The following BOP1 variants were observed in gnomAD, a reference collection of about 807,000 sequenced individuals.
The protein encoded by BOP1 is BOP1 ribosomal biogenesis factor, also known as ribosome biogenesis protein BOP1.
Under a neutral mutation model 82.9 loss-of-function variants are expected in BOP1, and 54 were observed. The observed-to-expected ratio is 0.65, with a 90% CI of 0.52 to 0.82. The LOEUF (loss-of-function observed/expected upper bound fraction) is 0.82, where lower values mean the gene tolerates loss of function less well. Ranked by LOEUF, BOP1 falls within the 40% of genes least tolerant of loss-of-function variation. The pLI is 0.00. For synonymous variants in BOP1, 566 were observed against 451.1 expected (o/e 1.25, Z -3.23); for missense variants, 1,170 against 1,072.0 (o/e 1.09, Z -1.28).
intron 6 of BOP1, 28 bp from the exon 7 acceptor site, chr8:144,264,465 C>T (rs1845309790): frequency 1.9e-6 from 3 of 1,606,766 alleles, no homozygotes; most frequent in South Asian, 1.1e-5. Context: ...TCAGGACGGG[C>T]AGTGCGGGGC....
At chr8:144,269,761 G>A (rs980215206) in intron 3 of BOP1, among the ~76,000 whole-genome samples, 13 of 152,340 alleles carry the variant, frequency 8.5e-5, no homozygotes, top group Admixed American at 2.6e-4. Context: ...CGGGGGACAC[G>A]GACATGCAGC....
chr8:144,277,159 C>T lies in BOP1; in HGVS notation c.310-855G>A, dbSNP rs935747002. The stretch of plus-strand genomic sequence containing the variant: ...AACCCCAGAGCGAAGGCGGGCACGC[C>T]CCCGCCCCCACCCCGAGCCCCTCTT... On this transcript the variant is annotated intron_variant, in intron 2 of 15. Transcript: ENST00000569669. Among the ~76,000 whole-genome samples the T allele has an allele frequency of 1.7e-4, 26 of 152,276 alleles. 1 individual carries two copies. Among genetic ancestry groups the T allele is most frequent in the African/African-American group, 6.3e-4 (26 of 41,566 alleles).
chr8:144,262,710 C>G, intron 13 of BOP1, 38 bp from the exon 14 acceptor site: 1 of 1,606,966 alleles, frequency 6.2e-7, no homozygotes. Flanking sequence ...TTCCCGCTCT[C>G]ACCTGCAGGG....
chr8:144,280,895 TCGGCCTTCTCTC>T (rs1845658027), intron 2 of BOP1, among the ~76,000 whole-genome samples: 3 of 152,054 alleles, frequency 2.0e-5, no homozygotes, highest in African/African-American at 7.3e-5. Context: ...TACCAGGTCT[TCGGCCTTCTCTC>T]ACTTTCATAC....
Position 144,262,511 on chromosome 8 carries a change from G to C in BOP1, c.1980-8C>G, listed in dbSNP as rs889494720. 1.7e-5 allele frequency: 27 copies of C among 1,612,926 alleles called. No individual in the cohort carries two copies. In the African/African-American group the frequency reaches 3.2e-4, roughly 19 times the overall value. ...AGAGCCTTCTTGTGGTGTCTGGGGG[G>C]AGGGAACCAGGTTGAAGGCAGGCTC... On this transcript the variant is annotated splice_region_variant and splice_polypyrimidine_tract_variant and intron_variant, in intron 14 of 15. Coordinates refer to ENST00000569669, the MANE Select transcript of BOP1 (RefSeq NM_015201.5).
chr8:144,289,227 C>T lies in BOP1; in HGVS notation c.177G>A (p.Val59=). The part of the protein sequence containing the change: ...DSGVSDSEES[V]FSGLEDSGSD... ...TGCCGGAATCTTCCAGGCCTGAGAA[C>T]ACACTTTCCTCGCTGTCGGAGACGC... The change falls in exon 2 of 16, where the codon GTG becomes GTA. Residue 59 remains valine (V), a synonymous_variant. Transcript: ENST00000569669. 6.2e-7 allele frequency: 1 copy of T among 1,614,094 alleles called. No individual in the cohort carries two copies. Among genetic ancestry groups the T allele is most frequent in the Non-Finnish European group, 8.5e-7 (1 of 1,179,944 alleles).
intron 2 of BOP1, 70 bp from the exon 3 acceptor site, chr8:144,276,374 GGAAGCCCACCACCCC>G: frequency 6.4e-7 from 1 of 1,554,712 alleles, no homozygotes; most frequent in Non-Finnish European, 8.7e-7. Context: ...GGGGATCCCA[GGAAGCCCACCACCCC>G]GAAATCTCTG....
chr8:144,276,239 G>A lies in BOP1; in HGVS notation c.375C>T (p.Asp125=). 1 of 1,613,518 alleles carries A rather than the reference G, an allele frequency of 6.2e-7. No homozygotes were observed. Among genetic ancestry groups the A allele is most frequent in the Non-Finnish European group, 8.5e-7 (1 of 1,179,822 alleles). Residue 125 remains aspartate, a synonymous_variant, in exon 3 of 16, where the codon GAC becomes GAT. Coordinates refer to ENST00000569669, the MANE Select transcript of BOP1 (RefSeq NM_015201.5). ...SARIGDEYAE[D]SSDEEDIRNT... is the part of the protein sequence containing the mutation. ...CCAGTCCTACCTCCTCATCAGAGCT[G>A]TCCTCCGCATACTCATCCCCAATCC...
chr8:144,275,694 G>A (rs1317561195), intron 3 of BOP1, among the ~76,000 whole-genome samples: 3 of 152,188 alleles, frequency 2.0e-5, no homozygotes, highest in African/African-American at 4.8e-5. Context: ...CCAGGGGTGG[G>A]GGGCAGGGGG....
At position 144,262,121 on chromosome 8, in the gene BOP1, T is replaced by C; in HGVS notation, c.*43A>G. 1.2e-6 allele frequency: 2 copies of C among 1,610,558 alleles called. No individual in the cohort carries two copies. The highest frequency in any genetic ancestry group is 1.7e-6 in the Non-Finnish European group (2 of 1,179,694). On this transcript the variant is annotated 3_prime_UTR_variant, in exon 16 of 16. Transcript: ENST00000569669. The stretch of plus-strand genomic sequence containing the variant: ...CAGGCAGCACAGGGTAAAGGCTCTG[T>C]TGACTTCAGCACGACCACCCCAGCC...
chr8:144,278,249 A>AGGAGCTCGGCAGTGCCG (rs1377976206), intron 2 of BOP1, among the ~76,000 whole-genome samples: 1 of 152,178 alleles, frequency 6.6e-6, no homozygotes, highest in African/African-American at 2.4e-5. Context: ...ACGAGGTGCC[A>AGGAGCTCGGCAGTGCCG]GCAGGATGCG....
At position 144,291,131 on chromosome 8, in the gene BOP1, G is replaced by A. The variant is rs1034163713; in HGVS notation, c.99+141C>T. 29 of 559,658 alleles carry A rather than the reference G, an allele frequency of 5.2e-5. No individual in the cohort carries two copies. The highest frequency in any genetic ancestry group is 7.2e-5 in the Non-Finnish European group (28 of 388,494). The allele number at this position is 559,658 out of a possible 1,614,324, so 34.7% of individuals were successfully genotyped here. The stretch of plus-strand genomic sequence containing the variant: ...GCTCTGCCTGAGACCCCCCGATAGA[G>A]GAGCTGCACCCACGCCCAAGACCGA... On this transcript the variant is annotated intron_variant, in intron 1 of 15. Coordinates refer to ENST00000569669, the MANE Select transcript of BOP1 (RefSeq NM_015201.5). This position sits in a 1 kb window ranked among gnomAD's most constrained non-coding sequence, Gnocchi z 4.1.
chr8:144,275,061 G>A (rs1447334772), intron 3 of BOP1, among the ~76,000 whole-genome samples: 1 of 151,860 alleles, frequency 6.6e-6, no homozygotes, highest in Non-Finnish European at 1.5e-5. Context: ...GGCGGCCAAG[G>A]CTCCTGCAGC....
intron 2 of BOP1, among the ~76,000 whole-genome samples, chr8:144,286,619 C>T (rs1369024960): frequency 2.0e-5 from 3 of 151,536 alleles, no homozygotes; most frequent in Non-Finnish European, 2.9e-5. Flanking sequence ...GGCCTCGGCC[C>T]CTCAGCTAAA....
chr8:144,277,607 C>G lies in BOP1; in HGVS notation c.310-1303G>C, dbSNP rs1845587806. 3.9e-5 allele frequency among the ~76,000 whole-genome samples: 6 copies of G among 152,400 alleles called. No homozygotes were observed. In the South Asian group the frequency reaches 1.2e-3, roughly 32 times the overall value. On this transcript the variant is annotated intron_variant, in intron 2 of 15. Coordinates refer to ENST00000569669, the MANE Select transcript of BOP1 (RefSeq NM_015201.5). ...GTGACAAAAGACTTGTCACCCAGCG[C>G]TCTGTGCCCCGTGGCCCCTGTGCTG...
At chr8:144,268,142 G>A (rs1845422863) in intron 3 of BOP1, 2 of 1,551,188 alleles carry the variant, frequency 1.3e-6, no homozygotes, top group African/African-American at 1.4e-5. Context: ...TTCGCAGTTA[G>A]GAGGTGGCCG....
At chr8:144,287,924 A>C (rs1427429285) in intron 2 of BOP1, among the ~76,000 whole-genome samples, 1 of 152,154 alleles carries the variant, frequency 6.6e-6, no homozygotes, top group Non-Finnish European at 1.5e-5. Flanking sequence ...GAACACCGAA[A>C]CTACTGGGAG....
chr8:144,281,436 T>C (rs71515608), intron 2 of BOP1, among the ~76,000 whole-genome samples: 27 of 2,504 alleles, frequency 0.011, 12 homozygotes, highest in Non-Finnish European at 0.031. Flanking sequence ...ACCAGGTCTT[T>C]GGCCTTCTCT....
At position 144,262,327 on chromosome 8, in the gene BOP1, CGAG is replaced by C. The variant is rs1845213916; in HGVS notation, c.2088-13_2088-11del. 3 of 1,612,674 alleles carry C rather than the reference CGAG, an allele frequency of 1.9e-6. No homozygotes were observed. Among genetic ancestry groups the C allele is most frequent in the Non-Finnish European group, 1.7e-6 (2 of 1,179,778 alleles). On this transcript the variant is annotated splice_polypyrimidine_tract_variant and intron_variant, in intron 15 of 15. Transcript: ENST00000569669. ...GTTCTGCAGAAGGTCACTGTGGGGACGAGGAGGGCTCAGGGCACGGCCAGACAC... is the reference window on the plus strand; with the variant it reads ...GTTCTGCAGAAGGTCACTGTGGGGACGAGGGCTCAGGGCACGGCCAGACAC...
Sources: gnomAD v4.1 joint callset for allele counts (sites outside exome capture counted in the v4.1 genomes callset) on GRCh38, gnomAD v4.1.1 for gene constraint, Gnocchi (gnomAD v3.1) non-coding constraint, MANE v1.5 for transcripts, NCBI Gene and HGNC (gene_info 2026-07-23, HGNC 2026-07-21) for gene names.